CCDC85A: variants seen among roughly 807,000 people sequenced by gnomAD.
The protein encoded by CCDC85A is coiled-coil domain-containing protein 85A.
Under a neutral mutation model 50.2 loss-of-function variants are expected in CCDC85A, and 38 were observed. The ratio of observed to expected loss-of-function variants is 0.76; its 90% CI spans 0.58 to 0.99. The LOEUF (loss-of-function observed/expected upper bound fraction) is 0.99, where lower values mean the gene tolerates loss of function less well. Among genes scored for constraint, CCDC85A ranks in the 50% least tolerant of loss-of-function variants. CCDC85A has a pLI of 0.00. For synonymous variants in CCDC85A, 366 were observed against 301.4 expected (o/e 1.21, Z -2.22); for missense variants, 820 against 742.0 (o/e 1.11, Z -1.22).
At chr2:56,244,577 T>C (rs980526143) in intron 2 of CCDC85A, among the ~76,000 whole-genome samples, 13 of 151,606 alleles carry the variant, frequency 8.6e-5, no homozygotes, top group African/African-American at 2.7e-4. Flanking sequence ...GATAAGCTGG[T>C]ACCTAGGCTG....
intron 2 of CCDC85A, among the ~76,000 whole-genome samples, chr2:56,303,508 A>G (rs945780220): frequency 6.6e-6 from 1 of 152,060 alleles, no homozygotes; most frequent in Non-Finnish European, 1.5e-5. Context: ...CTTGATTTGA[A>G]CCCTGAACCT....
In CCDC85A at chr2:56,217,262, T is replaced by C. The variant is rs137874179; in HGVS notation, c.1240+23822T>C. ...GTCCTCTTGTCCCCAGATATACACC[T>C]CTTCGTCTCCCTAATCATTGAGTGG... On this transcript the variant is annotated intron_variant, in intron 2 of 5. Transcript: ENST00000407595. Among the ~76,000 whole-genome samples the C allele has an allele frequency of 6.6e-5, 10 of 152,042 alleles. No homozygotes were observed. The East Asian group carries it at 1.7e-3, about 27-fold the overall frequency.
intron 1 of CCDC85A, among the ~76,000 whole-genome samples, chr2:56,188,904 T>C (rs1397687956): frequency 2.0e-5 from 3 of 152,252 alleles, no homozygotes; most frequent in African/African-American, 7.2e-5. Context: ...GAAAGACTTT[T>C]GGAATAGACC....
At chr2:56,290,021 C>T (rs1025445286) in intron 2 of CCDC85A, among the ~76,000 whole-genome samples, 2 of 152,140 alleles carry the variant, frequency 1.3e-5, no homozygotes, top group Non-Finnish European at 2.9e-5. Context: ...AAGCCAGACC[C>T]TCATTTCCTG....
At chr2:56,316,031 C>G (rs954450036) in intron 2 of CCDC85A, among the ~76,000 whole-genome samples, 6 of 152,100 alleles carry the variant, frequency 3.9e-5, no homozygotes, top group Non-Finnish European at 8.8e-5. Flanking sequence ...ACTAGGGGGT[C>G]AGCTTGGTGT....
intron 2 of CCDC85A, among the ~76,000 whole-genome samples, chr2:56,336,674 A>G (rs1286030854): frequency 2.0e-5 from 3 of 152,222 alleles, no homozygotes; most frequent in African/African-American, 4.8e-5. Context: ...GGTGTTCTGT[A>G]GGGTAACACT....
chr2:56,231,990 T>C (rs376069172), intron 2 of CCDC85A, among the ~76,000 whole-genome samples: 3 of 152,148 alleles, frequency 2.0e-5, no homozygotes, highest in African/African-American at 4.8e-5. Context: ...TTCATTTGCC[T>C]ACTTCTCTGG....
At chr2:56,204,008 C>G (rs935774134) in intron 2 of CCDC85A, among the ~76,000 whole-genome samples, 3 of 152,160 alleles carry the variant, frequency 2.0e-5, no homozygotes, top group African/African-American at 7.2e-5. Flanking sequence ...AGTACACCAT[C>G]AACCTCTGTG....
chr2:56,222,911 T>C (rs959720295), intron 2 of CCDC85A, among the ~76,000 whole-genome samples: 3 of 152,164 alleles, frequency 2.0e-5, no homozygotes, highest in African/African-American at 4.8e-5. Flanking sequence ...GCATGCTTCA[T>C]GGGAAAGCCA....
intron 2 of CCDC85A, among the ~76,000 whole-genome samples, chr2:56,284,695 A>T (rs548595305): frequency 6.6e-6 from 1 of 152,068 alleles, no homozygotes; most frequent in South Asian, 2.1e-4. Flanking sequence ...ATCCTTACTA[A>T]TGTTTGGTTT....
intron 2 of CCDC85A, among the ~76,000 whole-genome samples, chr2:56,274,045 G>T (rs1447147410): frequency 6.6e-6 from 1 of 152,142 alleles, no homozygotes; most frequent in Non-Finnish European, 1.5e-5. Context: ...TCTGGAGGAT[G>T]GGAGAGGTAC....
At chr2:56,274,766 A>G (rs1418935688) in intron 2 of CCDC85A, among the ~76,000 whole-genome samples, 1 of 152,196 alleles carries the variant, frequency 6.6e-6, no homozygotes, top group African/African-American at 2.4e-5. Context: ...CCATAACAAA[A>G]TACCCTAAGA....
At chr2:56,300,204 C>T (rs1223036667) in intron 2 of CCDC85A, among the ~76,000 whole-genome samples, 1 of 152,062 alleles carries the variant, frequency 6.6e-6, no homozygotes, top group South Asian at 2.1e-4. Flanking sequence ...ACACAGCCCT[C>T]CTATGGGGAA....
intron 3 of CCDC85A, among the ~76,000 whole-genome samples, chr2:56,359,788 C>A (rs1675430387): frequency 6.6e-6 from 1 of 152,138 alleles, no homozygotes; most frequent in African/African-American, 2.4e-5. Flanking sequence ...TAATATTCTT[C>A]CTTCACATGA....
chr2:56,291,509 C>T (rs1333262523), intron 2 of CCDC85A, among the ~76,000 whole-genome samples: 1 of 152,116 alleles, frequency 6.6e-6, no homozygotes, highest in Non-Finnish European at 1.5e-5. Context: ...AAAGGCCTCC[C>T]TGAGTAGATG....
chr2:56,362,637 C>T (rs1289594504), intron 3 of CCDC85A, among the ~76,000 whole-genome samples: 1 of 151,700 alleles, frequency 6.6e-6, no homozygotes, highest in Non-Finnish European at 1.5e-5. Flanking sequence ...GCTCTGTTGC[C>T]CAGTGAAGTC....
intron 1 of CCDC85A, among the ~76,000 whole-genome samples, chr2:56,186,574 A>G (rs771143650): frequency 7.9e-5 from 12 of 152,238 alleles, no homozygotes; most frequent in Non-Finnish European, 1.3e-4. Flanking sequence ...TTAGTTTGTC[A>G]TCCTCTAATT....
intron 2 of CCDC85A, among the ~76,000 whole-genome samples, chr2:56,200,885 C>T (rs936965644): frequency 1.3e-5 from 2 of 151,744 alleles, no homozygotes; most frequent in Non-Finnish European, 1.5e-5. Flanking sequence ...CAAAATTAGG[C>T]ACATATTCAA....
intron 2 of CCDC85A, among the ~76,000 whole-genome samples, chr2:56,212,258 T>C (rs1044892478): frequency 1.3e-5 from 2 of 152,100 alleles, no homozygotes; most frequent in African/African-American, 4.8e-5. Flanking sequence ...TATAATAGTT[T>C]GTTTACTGTG....
Sources: gnomAD v4.1 joint callset for allele counts (sites outside exome capture counted in the v4.1 genomes callset) on GRCh38, gnomAD v4.1.1 for gene constraint, MANE v1.5 for transcripts, NCBI Gene and HGNC (gene_info 2026-07-23, HGNC 2026-07-21) for gene names.